Variants in MLLT11 observed in about 807,000 individuals in gnomAD.
MLLT11 encodes protein AF1q.
MLLT11 carries 1 observed loss-of-function variant against 5.3 expected under a neutral mutation model. The observed-to-expected ratio is 0.19, with a 90% CI of 0.07 to 0.89. MLLT11 has a LOEUF of 0.89. MLLT11 is among the 40% of genes least tolerant of loss of function. The pLI is 0.67. For missense variants in MLLT11, 87 were observed against 107.3 expected (o/e 0.81, Z 0.83); for synonymous variants, 38 against 41.7 (o/e 0.91, Z 0.34).
At position 151,068,840 on chromosome 1, in the gene MLLT11, C is replaced by T. The variant is rs1197805371; in HGVS notation, c.*1343C>T. Reference sequence around the variant, plus strand: ...CCTCAGGTGATCTGCCCGCCTTAGCCTCTCAAAGTGCTGAGATTACAGGCG... The same window carrying T: ...CCTCAGGTGATCTGCCCGCCTTAGCTTCTCAAAGTGCTGAGATTACAGGCG... On this transcript the variant is annotated 3_prime_UTR_variant, in exon 2 of 2. Transcript: ENST00000368921. Among the ~76,000 whole-genome samples, 2 of 152,248 alleles carry T rather than the reference C, an allele frequency of 1.3e-5. No individual in the cohort carries two copies. The highest frequency in any genetic ancestry group is 2.9e-5 in the Non-Finnish European group (2 of 68,050).
chr1:151,062,367 T>A (rs1676418667), intron 1 of MLLT11, among the ~76,000 whole-genome samples: 1 of 149,800 alleles, frequency 6.7e-6, no homozygotes, highest in African/African-American at 2.5e-5. Context: ...TGATTCTATT[T>A]TTTTTTTTTT....
In MLLT11 at chr1:151,067,976, A is replaced by C. The variant is rs1571858355; in HGVS notation, c.*479A>C. On this transcript the variant is annotated 3_prime_UTR_variant, in exon 2 of 2. Coordinates refer to ENST00000368921, the MANE Select transcript of MLLT11 (RefSeq NM_006818.4). ...TCTGCTACGAAACAGTATTTCTAAA[A>C]GGCTAAAGTGATAAGTCTCTTGCTT... The C allele has an allele frequency of 8.1e-6, 2 of 246,644 alleles. No homozygotes were observed. Among genetic ancestry groups the C allele is most frequent in the African/African-American group, 4.4e-5 (2 of 45,192 alleles). 15.3% of individuals were successfully genotyped at this position (246,644 alleles called of 1,614,324 possible).
At chr1:151,063,168 CCA>C (rs1462061392) in intron 1 of MLLT11, among the ~76,000 whole-genome samples, 1 of 152,162 alleles carries the variant, frequency 6.6e-6, no homozygotes, top group South Asian at 2.1e-4. Context: ...CCTGAAGCCC[CCA>C]CACTCTCACA....
Position 151,069,365 on chromosome 1 carries a change from T to C in MLLT11, c.*1868T>C, listed in dbSNP as rs916593706. ...AAAGACAAATCCTCCCTCTAGGCCATGAAAAGCCCACATCTAAAGACGGTC... is the reference window on the plus strand; with the variant it reads ...AAAGACAAATCCTCCCTCTAGGCCACGAAAAGCCCACATCTAAAGACGGTC... On this transcript the variant is annotated 3_prime_UTR_variant, in exon 2 of 2. Transcript: ENST00000368921. 3.9e-5 allele frequency among the ~76,000 whole-genome samples: 6 copies of C among 152,122 alleles called. No homozygotes were observed. Among genetic ancestry groups the C allele is most frequent in the Non-Finnish European group, 5.9e-5 (4 of 68,010 alleles).
At position 151,067,728 on chromosome 1, in the gene MLLT11, C is replaced by T. The variant is rs41266628; in HGVS notation, c.*231C>T. On this transcript the variant is annotated 3_prime_UTR_variant, in exon 2 of 2. Coordinates refer to ENST00000368921, the MANE Select transcript of MLLT11 (RefSeq NM_006818.4). ...GTTCAAGCAATGGAGTACTGGGTCACAGGGATTCCTCCTTTCCCCCCCAAA... is the reference window on the plus strand; with the variant it reads ...GTTCAAGCAATGGAGTACTGGGTCATAGGGATTCCTCCTTTCCCCCCCAAA... 807 of 571,720 alleles carry T rather than the reference C, an allele frequency of 1.4e-3. 3 individuals are homozygous for T. Among genetic ancestry groups the T allele is most frequent in the Non-Finnish European group, 2.1e-3 (648 of 315,490 alleles). 35.4% of individuals were successfully genotyped at this position (571,720 alleles called of 1,614,324 possible).
Position 151,069,247 on chromosome 1 carries a change from T to C in MLLT11, c.*1750T>C, listed in dbSNP as rs1309083686. Among the ~76,000 whole-genome samples the C allele has an allele frequency of 6.6e-6, 1 of 152,004 alleles. No homozygotes were observed. The highest frequency in any genetic ancestry group is 6.6e-5 in the Admixed American group (1 of 15,242). On this transcript the variant is annotated 3_prime_UTR_variant, in exon 2 of 2. Transcript: ENST00000368921. ...AAAAGAGAAACTGTAAATACCAATATGGATAGGACAGAATTGGGCAGTGTA... is the reference window on the plus strand; with the variant it reads ...AAAAGAGAAACTGTAAATACCAATACGGATAGGACAGAATTGGGCAGTGTA...
At chr1:151,063,719 C>T (rs1676438746) in intron 1 of MLLT11, among the ~76,000 whole-genome samples, 2 of 152,198 alleles carry the variant, frequency 1.3e-5, no homozygotes, top group African/African-American at 2.4e-5. Context: ...GCCACCACGC[C>T]CGACCACAAC....
intron 1 of MLLT11, among the ~76,000 whole-genome samples, chr1:151,066,102 A>G (rs1225842187): frequency 6.6e-6 from 1 of 152,128 alleles, no homozygotes; most frequent in Non-Finnish European, 1.5e-5. Context: ...AGCCTCCCAA[A>G]GTGCTGGGAA....
At chr1:151,063,810 GC>G (rs1321160614) in intron 1 of MLLT11, among the ~76,000 whole-genome samples, 1 of 152,202 alleles carries the variant, frequency 6.6e-6, no homozygotes, top group Non-Finnish European at 1.5e-5. Context: ...ATCAGGCAGG[GC>G]TTGGGTAGAA....
chr1:151,069,162 T>C lies in MLLT11; in HGVS notation c.*1665T>C, dbSNP rs1463179406. Reference sequence around the variant, plus strand: ...TAACTTCTGGTTTTTGTGTGCCTGCTATAGGAAAGCACTGAGCCAAACAGA... The same window carrying C: ...TAACTTCTGGTTTTTGTGTGCCTGCCATAGGAAAGCACTGAGCCAAACAGA... On this transcript the variant is annotated 3_prime_UTR_variant, in exon 2 of 2. Transcript: ENST00000368921. 1.3e-5 allele frequency among the ~76,000 whole-genome samples: 2 copies of C among 152,126 alleles called. No homozygotes were observed. Among genetic ancestry groups the C allele is most frequent in the Admixed American group, 6.6e-5 (1 of 15,266 alleles).
At position 151,067,816 on chromosome 1, in the gene MLLT11, G is replaced by T. The variant is rs1412969610; in HGVS notation, c.*319G>T. The T allele has an allele frequency of 2.7e-5, 9 of 334,662 alleles. No homozygotes were observed. The highest frequency in any genetic ancestry group is 4.6e-5 in the Non-Finnish European group (8 of 172,776). The allele number at this position is 334,662 out of a possible 1,614,324, so 20.7% of individuals were successfully genotyped here. Reference sequence around the variant, plus strand: ...GAGAGTAGTATAGTAGTGCAAAATGGAAGACTGATTTTTGACTCTATTATA... The same window carrying T: ...GAGAGTAGTATAGTAGTGCAAAATGTAAGACTGATTTTTGACTCTATTATA... On this transcript the variant is annotated 3_prime_UTR_variant, in exon 2 of 2. Coordinates refer to ENST00000368921, the MANE Select transcript of MLLT11 (RefSeq NM_006818.4).
chr1:151,062,864 A>C (rs587712610), intron 1 of MLLT11, among the ~76,000 whole-genome samples: 29 of 152,320 alleles, frequency 1.9e-4, no homozygotes, highest in African/African-American at 6.7e-4. Context: ...TCCCAGATTT[A>C]AGCAGTGGGT....
At chr1:151,066,124 G>A (rs1676473748) in intron 1 of MLLT11, among the ~76,000 whole-genome samples, 1 of 152,204 alleles carries the variant, frequency 6.6e-6, no homozygotes. Context: ...ACAGGTGTGA[G>A]CCACTGAGCT....
At position 151,067,639 on chromosome 1, in the gene MLLT11, T is replaced by C. The variant is rs898478673; in HGVS notation, c.*142T>C. 2.1e-6 allele frequency: 2 copies of C among 931,970 alleles called. No individual in the cohort carries two copies. Among genetic ancestry groups the C allele is most frequent in the African/African-American group, 1.7e-5 (1 of 60,292 alleles). The allele number at this position is 931,970 out of a possible 1,614,324, so 57.7% of individuals were successfully genotyped here. ...ATGAATCTGCCAGAGTTGAGTTCTATGTATTTATTTATCTATCTGTCTACT... is the reference window on the plus strand; with the variant it reads ...ATGAATCTGCCAGAGTTGAGTTCTACGTATTTATTTATCTATCTGTCTACT... On this transcript the variant is annotated 3_prime_UTR_variant, in exon 2 of 2. Transcript: ENST00000368921.
rs998670485 is a variant in MLLT11, at chr1:151,068,150, G to T, written c.*653G>T. 2 of 240,234 alleles carry T rather than the reference G, an allele frequency of 8.3e-6. No homozygotes were observed. The highest frequency in any genetic ancestry group is 4.4e-5 in the African/African-American group (2 of 44,952). The allele number at this position is 240,234 out of a possible 1,614,324, so 14.9% of individuals were successfully genotyped here. On this transcript the variant is annotated 3_prime_UTR_variant, in exon 2 of 2. Transcript: ENST00000368921. The stretch of plus-strand genomic sequence containing the variant: ...AAGTAGCTAATTTCTTTTCTCAAAA[G>T]AGTGTCCCTTCTTCACACCTACTCA...
intron 1 of MLLT11, among the ~76,000 whole-genome samples, chr1:151,064,504 A>G (rs1488754120): frequency 6.6e-6 from 1 of 152,164 alleles, no homozygotes; most frequent in East Asian, 1.9e-4. Context: ...TGTACAGAGA[A>G]AGTAGATTGG....
intron 1 of MLLT11, among the ~76,000 whole-genome samples, chr1:151,063,376 G>C (rs1052012310): frequency 6.6e-5 from 10 of 151,934 alleles, no homozygotes; most frequent in African/African-American, 2.4e-5. Context: ...TGTTCTTTCT[G>C]CTCCTTTGGG....
intron 1 of MLLT11, among the ~76,000 whole-genome samples, chr1:151,064,755 AG>A (rs981078757): frequency 2.0e-5 from 3 of 152,166 alleles, no homozygotes; most frequent in African/African-American, 7.2e-5. Flanking sequence ...ATGCCCACAA[AG>A]GGTCTGGACA....
At position 151,069,174 on chromosome 1, in the gene MLLT11, C is replaced by T. The variant is rs969740960; in HGVS notation, c.*1677C>T. 6.6e-6 allele frequency among the ~76,000 whole-genome samples: 1 copy of T among 152,100 alleles called. No homozygotes were observed. Among genetic ancestry groups the T allele is most frequent in the Non-Finnish European group, 1.5e-5 (1 of 68,030 alleles). On this transcript the variant is annotated 3_prime_UTR_variant, in exon 2 of 2. Transcript: ENST00000368921. ...TTTGTGTGCCTGCTATAGGAAAGCA[C>T]TGAGCCAAACAGAATGTAAACGGGA... is the stretch of plus-strand genomic sequence containing the variant.
Sources: allele counts gnomAD v4.1 joint callset (sites outside exome capture counted in the v4.1 genomes callset), GRCh38; gene constraint gnomAD v4.1.1; transcripts MANE v1.5; gene names NCBI Gene and HGNC (gene_info 2026-07-23, HGNC 2026-07-21).